The following MRTFA variants were observed in gnomAD, a reference collection of about 807,000 sequenced individuals.
The protein encoded by MRTFA is myocardin related transcription factor A.
Under a neutral mutation model 83.5 loss-of-function variants are expected in MRTFA, and 20 were observed. The observed-to-expected ratio is 0.24, with a 90% CI of 0.17 to 0.35. The LOEUF (loss-of-function observed/expected upper bound fraction) is 0.35, where lower values mean the gene tolerates loss of function less well. Ranked by LOEUF, MRTFA falls within the 10% of genes least tolerant of loss-of-function variation. The probability of loss-of-function intolerance (pLI) is 1.00; values close to 1 mark genes in which losing one functional copy is unlikely to be tolerated. For synonymous variants in MRTFA, 659 were observed against 541.2 expected (o/e 1.22, Z -3.02); for missense variants, 1,200 against 1,224.7 (o/e 0.98, Z 0.30).
At chr22:40,631,545 T>C (rs1048814944) in intron 1 of MRTFA, among the ~76,000 whole-genome samples, 2 of 152,200 alleles carry the variant, frequency 1.3e-5, no homozygotes, top group African/African-American at 4.8e-5. Flanking sequence ...CTATGCAGTA[T>C]GACTCTAGTA....
intron 14 of MRTFA, 61 bp from the exon 15 acceptor site, chr22:40,411,968 A>T: frequency 7.3e-7 from 1 of 1,371,580 alleles, no homozygotes. Context: ...TCTACATGCA[A>T]AAGAATGAAG....
At chr22:40,450,024 C>T (rs1382614113) in intron 4 of MRTFA, among the ~76,000 whole-genome samples, 4 of 152,308 alleles carry the variant, frequency 2.6e-5, no homozygotes, top group Middle Eastern at 6.8e-3. Flanking sequence ...GGGTCCCTCA[C>T]ACACTGAGTG....
intron 1 of MRTFA, among the ~76,000 whole-genome samples, chr22:40,617,141 AGAAGGAAGGAAG>A: frequency 8.2e-6 from 1 of 121,498 alleles, no homozygotes; most frequent in East Asian, 3.2e-4. Context: ...GAGAGACGAG[AGAAGGAAGGAAG>A]GAAGGAAGGA....
chr22:40,553,620 C>T (rs2055476317), intron 2 of MRTFA, among the ~76,000 whole-genome samples: 1 of 152,160 alleles, frequency 6.6e-6, no homozygotes, highest in African/African-American at 2.4e-5. Flanking sequence ...GGATGTATGG[C>T]AACACCTGGA....
At chr22:40,626,473 T>G (rs995556798) in intron 1 of MRTFA, among the ~76,000 whole-genome samples, 2 of 152,074 alleles carry the variant, frequency 1.3e-5, no homozygotes, top group African/African-American at 4.8e-5. Flanking sequence ...TTGTATTTTT[T>G]GTAGAGACGG....
In MRTFA at chr22:40,435,573, T is replaced by C. The variant is rs761932008; in HGVS notation, c.308-19A>G. The C allele has an allele frequency of 1.2e-6, 2 of 1,613,676 alleles. No homozygotes were observed. Among genetic ancestry groups the C allele is most frequent in the South Asian group, 2.2e-5 (2 of 91,068 alleles). On this transcript the variant is annotated intron_variant, in intron 4 of 14. Transcript: ENST00000355630. The stretch of plus-strand genomic sequence containing the variant: ...TTCAAAGCTGTTGAGAGAAGAACCG[T>C]AAAGATTACCTTCAAGCGAAGCATC...
chr22:40,429,472 G>T, intron 7 of MRTFA, 134 bp downstream of exon 7: 2 of 1,028,630 alleles, frequency 1.9e-6, no homozygotes, highest in Non-Finnish European at 3.0e-6. Flanking sequence ...TCTGTGCCTT[G>T]GTTCTCCCAA....
intron 2 of MRTFA, 103 bp from the exon 3 acceptor site, chr22:40,552,470 C>CA: frequency 5.1e-6 from 2 of 391,108 alleles, no homozygotes; most frequent in Non-Finnish European, 9.0e-6. Flanking sequence ...TCCCATAACT[C>CA]ACACATATCA....
Position 40,457,423 on chromosome 22 carries a change from TGAAAGAAAGAAAGA to T in MRTFA, c.307+5784_307+5797del, listed in dbSNP as rs749911066. 3.7e-3 allele frequency among the ~76,000 whole-genome samples: 193 copies of T among 52,292 alleles called. 1 individual carries two copies. Among genetic ancestry groups the T allele is most frequent in the African/African-American group, 6.6e-3 (111 of 16,904 alleles). The allele number at this position is 52,292 out of a possible 152,430, so 34.3% of individuals were successfully genotyped here. A position where few individuals can be genotyped will look rare whatever the true frequency, so the allele number is the denominator to read the frequency against. On this transcript the variant is annotated intron_variant, in intron 4 of 14. Transcript: ENST00000355630. ...GAAAGAAAGAGAGAGAGAGACAGAA[TGAAAGAAAGAAAGA>T]GAAAGAAAGAAAGAAAGAAAGAAAG...
At chr22:40,594,304 C>A (rs1468020055) in intron 2 of MRTFA, among the ~76,000 whole-genome samples, 1 of 152,162 alleles carries the variant, frequency 6.6e-6, no homozygotes, top group African/African-American at 2.4e-5. Flanking sequence ...TACCATTACC[C>A]ACCACCCTAA....
chr22:40,423,731 G>A, intron 8 of MRTFA, 46 bp from the exon 9 acceptor site: 1 of 1,479,190 alleles, frequency 6.8e-7, no homozygotes, highest in Non-Finnish European at 9.1e-7. Context: ...CTCCAGGTAG[G>A]GTGTGCCCAG....
chr22:40,534,136 A>G (rs1471375948), intron 3 of MRTFA, among the ~76,000 whole-genome samples: 1 of 152,248 alleles, frequency 6.6e-6, no homozygotes, highest in Admixed American at 6.5e-5. Flanking sequence ...GAGGTGGGGA[A>G]GAAGATTAAA....
At chr22:40,577,235 T>TAAAAAAAAAAAAAAAAAAAAAAATAAAAA (rs760829183) in intron 2 of MRTFA, among the ~76,000 whole-genome samples, 1 of 64,442 alleles carries the variant, frequency 1.6e-5, no homozygotes, top group Non-Finnish European at 3.0e-5. Flanking sequence ...GACCCTTGTC[T>TAAAAAAAAAAAAAAAAAAAAAAATAAAAA]AAAAAAAAAA....
At chr22:40,511,110 T>A (rs1387402259) in intron 3 of MRTFA, among the ~76,000 whole-genome samples, 2 of 151,970 alleles carry the variant, frequency 1.3e-5, no homozygotes, top group Non-Finnish European at 2.9e-5. Flanking sequence ...AATGGACAGA[T>A]TGGAGGAGAG....
chr22:40,532,120 C>T (rs930326625), intron 3 of MRTFA, among the ~76,000 whole-genome samples: 4 of 152,086 alleles, frequency 2.6e-5, no homozygotes, highest in African/African-American at 7.2e-5. Flanking sequence ...CAACACATGA[C>T]GAAGGAAAAA....
chr22:40,575,530 A>G (rs994115213), intron 2 of MRTFA, among the ~76,000 whole-genome samples: 5 of 152,238 alleles, frequency 3.3e-5, no homozygotes, highest in African/African-American at 7.2e-5. Context: ...GTGAAATGGT[A>G]TATGTTAAAA....
At chr22:40,491,222 G>A (rs187295987) in intron 3 of MRTFA, among the ~76,000 whole-genome samples, 1 of 152,104 alleles carries the variant, frequency 6.6e-6, no homozygotes, top group African/African-American at 2.4e-5. Context: ...CACGCCTGTA[G>A]TCCTAGCTAC....
At chr22:40,419,784 C>T (rs989585909) in intron 11 of MRTFA, among the ~76,000 whole-genome samples, 1 of 152,206 alleles carries the variant, frequency 6.6e-6, no homozygotes, top group Non-Finnish European at 1.5e-5. Context: ...CAAGGGAGAG[C>T]TTGGTCCAAT....
intron 3 of MRTFA, among the ~76,000 whole-genome samples, chr22:40,470,466 G>A (rs2053890613): frequency 6.6e-6 from 1 of 150,876 alleles, no homozygotes; most frequent in African/African-American, 2.4e-5. Context: ...GAAACTCATA[G>A]GTTTATATTA....
Sources: allele counts gnomAD v4.1 joint callset (sites outside exome capture counted in the v4.1 genomes callset), GRCh38; gene constraint gnomAD v4.1.1; transcripts MANE v1.5; gene names NCBI Gene and HGNC (gene_info 2026-07-23, HGNC 2026-07-21).